The following HERC2 variants were observed in gnomAD, a reference collection of about 807,000 sequenced individuals.
HERC2 encodes the protein HECT and RLD domain containing E3 ubiquitin protein ligase 2.
In HERC2, 102 loss-of-function variants were observed where a neutral mutation model predicts 537.7. The observed-to-expected ratio is 0.19, with a 90% CI of 0.16 to 0.22. The LOEUF (loss-of-function observed/expected upper bound fraction) is 0.22, where lower values mean the gene tolerates loss of function less well. Ranked by LOEUF, HERC2 falls within the 10% of genes least tolerant of loss-of-function variation. The probability of loss-of-function intolerance (pLI) is 1.00; values close to 1 mark genes in which losing one functional copy is unlikely to be tolerated. For synonymous variants in HERC2, 2,224 were observed against 2,466.2 expected, an observed-to-expected ratio of 0.90 and a Z score of 2.91; for missense variants, 4,236 against 6,198.2, an observed-to-expected ratio of 0.68 and a Z score of 10.63.
At chr15:28,143,766 G>T in intron 74 of HERC2, 107 bp downstream of exon 74, 2 of 1,432,926 alleles carry the variant, frequency 1.4e-6, no homozygotes, top group Non-Finnish European at 9.6e-7. Context: ...TTATTCTTAT[G>T]TGAAACTCCC....
rs904139148 is a variant in HERC2, at chr15:28,268,779, A to G, written c.1447-163T>C. Among the ~76,000 whole-genome samples, 2 of 152,210 alleles carry G rather than the reference A, an allele frequency of 1.3e-5. No homozygotes were observed. Among genetic ancestry groups the G allele is most frequent in the African/African-American group, 4.8e-5 (2 of 41,446 alleles). On this transcript the variant is annotated intron_variant, in intron 11 of 92. Coordinates refer to ENST00000261609, the MANE Select transcript of HERC2 (RefSeq NM_004667.6). The surrounding 1 kb of genome is among the most constrained non-coding windows in gnomAD (Gnocchi z 4.7). ...GCCGGCTCTCCAGCCCTTCCCACCC[A>G]GCAGCAACAGAACAGCGGGCAGCCT...
intron 16 of HERC2, 133 bp from the exon 17 acceptor site, chr15:28,257,394 G>A (rs1173476554): frequency 1.5e-6 from 1 of 671,394 alleles, no homozygotes; most frequent in South Asian, 2.1e-5. Context: ...CCAGTCCAAA[G>A]GCATTCATGG....
At chr15:28,185,736 C>T (rs1896246326) in intron 56 of HERC2, among the ~76,000 whole-genome samples, 1 of 152,190 alleles carries the variant, frequency 6.6e-6, no homozygotes, top group Non-Finnish European at 1.5e-5. Context: ...GTACGTATGG[C>T]CTGGGGGGAA....
chr15:28,115,418 C>A lies in HERC2; in HGVS notation c.13722+11G>T. Reference sequence around the variant, plus strand: ...ACCCTAGAGGCCCCGCCTGCCGCCCCAGGGAGTTACCTCACTGAGGTCCGC... The same window carrying A: ...ACCCTAGAGGCCCCGCCTGCCGCCCAAGGGAGTTACCTCACTGAGGTCCGC... On this transcript the variant is annotated intron_variant, in intron 89 of 92. Coordinates refer to ENST00000261609, the MANE Select transcript of HERC2 (RefSeq NM_004667.6). 6.2e-7 allele frequency: 1 copy of A among 1,605,142 alleles called. No homozygotes were observed.
At chr15:28,310,848 C>G (rs1161118750) in intron 2 of HERC2, among the ~76,000 whole-genome samples, 1 of 151,870 alleles carries the variant, frequency 6.6e-6, no homozygotes, top group African/African-American at 2.4e-5. Context: ...GAGGCCGAAG[C>G]GGGTGGATCA....
In HERC2 at chr15:28,176,611, A is replaced by G; in HGVS notation, c.9515-12T>C. 1 of 1,614,144 alleles carries G rather than the reference A, an allele frequency of 6.2e-7. No individual in the cohort carries two copies. Among genetic ancestry groups the G allele is most frequent in the South Asian group, 1.1e-5 (1 of 91,082 alleles). On this transcript the variant is annotated splice_polypyrimidine_tract_variant and intron_variant, in intron 62 of 92. Transcript: ENST00000261609. This position sits in a 1 kb window ranked among gnomAD's most constrained non-coding sequence, Gnocchi z 5.0. ...GGAAAATACCAAACCTAGGTTTAAG[A>G]AACACATATACTTCAGGCCAGCGTT...
At chr15:28,120,829 A>C (rs1888800123) in intron 86 of HERC2, among the ~76,000 whole-genome samples, 2 of 152,346 alleles carry the variant, frequency 1.3e-5, no homozygotes, top group Admixed American at 1.3e-4. Context: ...TACCACAGAA[A>C]AGTGGGCACG....
chr15:28,260,651 G>T (rs1596340899), intron 16 of HERC2, 126 bp downstream of exon 16: 1 of 716,230 alleles, frequency 1.4e-6, no homozygotes, highest in Non-Finnish European at 2.3e-6. Context: ...CATAATAAAT[G>T]AGTTTAGCAC....
rs374245104 is a variant in HERC2 at position 28,141,485 on chromosome 15, C to T, written c.11962G>A (p.Val3988Met). ...GTCTGTTCCCCTCCGATTAACTGCA[C>T]GGGTCTGAGAGTTGCAAGGGCTTCA... ...PCEALATLRP[V>M]QLIGGEQTLF... The change falls in exon 78 of 93, where the codon GTG becomes ATG. Residue 3988 changes from valine (V) to methionine (M), a missense_variant. Physicochemically the swap from Val to Met is conservative, Grantham distance 21. Transcript: ENST00000261609. The T allele has an allele frequency of 9.3e-5, 150 of 1,614,004 alleles. No individual in the cohort carries two copies. The highest frequency in any genetic ancestry group is 1.2e-4 in the Non-Finnish European group (139 of 1,180,026).
intron 70 of HERC2, among the ~76,000 whole-genome samples, chr15:28,146,822 A>G (rs2142287686): frequency 7.1e-6 from 1 of 140,840 alleles, no homozygotes; most frequent in African/African-American, 2.8e-5. Flanking sequence ...GAGGTGTGCG[A>G]GCAGAGGCAC....
intron 2 of HERC2, among the ~76,000 whole-genome samples, chr15:28,304,659 C>T (rs1440065416): frequency 6.6e-6 from 1 of 151,650 alleles, no homozygotes; most frequent in Non-Finnish European, 1.5e-5. Context: ...CCACTGCACC[C>T]GGCCTTTCTC....
intron 83 of HERC2, among the ~76,000 whole-genome samples, chr15:28,127,881 T>C (rs1011338284): frequency 3.9e-5 from 6 of 152,066 alleles, no homozygotes; most frequent in Admixed American, 2.0e-4. Flanking sequence ...AATACATGAA[T>C]TGATTCAAAG....
chr15:28,302,853 A>T (rs2076672677), intron 2 of HERC2, among the ~76,000 whole-genome samples: 1 of 150,698 alleles, frequency 6.6e-6, no homozygotes, highest in African/African-American at 2.4e-5. Flanking sequence ...TTATTGGATT[A>T]TTAGATTTTT....
At position 28,229,554 on chromosome 15, in the gene HERC2, A is replaced by T. The variant is rs1289272158; in HGVS notation, c.5026T>A (p.Leu1676Ile). The T allele has an allele frequency of 1.2e-6, 2 of 1,613,456 alleles. No individual in the cohort carries two copies. Among genetic ancestry groups the T allele is most frequent in the Non-Finnish European group, 8.5e-7 (1 of 1,179,838 alleles). Residue 1676 changes from leucine (L) to isoleucine (I), a missense_variant, in exon 33 of 93, where the codon TTA (leucine) becomes ATA (isoleucine). Leu to Ile is a conservative substitution (Grantham distance 5). Transcript: ENST00000261609. ...EVRLEGIDTI[L>I]KLASKNFLLP... is the part of the protein sequence containing the mutation. ...AAGAAATTCTTGCTCGCCAGTTTTA[A>T]AATTGTATCTATCCCTTCCAGGCGA...
chr15:28,251,673 G>A (rs549104353), intron 20 of HERC2, among the ~76,000 whole-genome samples: 4 of 150,250 alleles, frequency 2.7e-5, no homozygotes, highest in Non-Finnish European at 4.4e-5. Context: ...GGTGGTGTAC[G>A]CCTGTGGTCC....
At position 28,175,650 on chromosome 15, in the gene HERC2, C is replaced by T; in HGVS notation, c.9693G>A (p.Lys3231=). 1.2e-6 allele frequency: 2 copies of T among 1,614,126 alleles called. No homozygotes were observed. Among genetic ancestry groups the T allele is most frequent in the Non-Finnish European group, 1.7e-6 (2 of 1,180,030 alleles). The change falls in exon 64 of 93, where the codon AAG becomes AAA. Residue 3231 remains lysine, a synonymous_variant. Transcript: ENST00000261609. ...TKSGVVWTWG[K]GDYFRLGHGS... is the part of the protein sequence containing the mutation. Reference sequence around the variant, plus strand: ...CGTGGCCCAATCTGAAGTAATCCCCCTTTCCCCTGAGAGAAGGCCCATGGT... The same window carrying T: ...CGTGGCCCAATCTGAAGTAATCCCCTTTTCCCCTGAGAGAAGGCCCATGGT...
chr15:28,171,885 T>A (rs1046225698), intron 65 of HERC2, among the ~76,000 whole-genome samples: 2 of 151,998 alleles, frequency 1.3e-5, no homozygotes, highest in African/African-American at 4.8e-5. Context: ...CTGTCCTGGC[T>A]AACACGGTGA....
chr15:28,149,105 C>A (rs73379661), intron 70 of HERC2, among the ~76,000 whole-genome samples: 2 of 151,296 alleles, frequency 1.3e-5, no homozygotes, highest in Non-Finnish European at 2.9e-5. Flanking sequence ...AACAGCCACA[C>A]GAACGTATAA....
At position 28,202,476 on chromosome 15, in the gene HERC2, G is replaced by A. The variant is rs747158925; in HGVS notation, c.7351C>T (p.Arg2451Cys). ...QHIRPARVKRRKQSPVPALPI... is the reference protein window; with the variant it reads ...QHIRPARVKRCKQSPVPALPI... ...AGAGCGGGAACGGGCGACTGCTTGC[G>A]CCTCTTCACTCTGGCAGGGCGGATG... Residue 2451 changes from arginine (R) to cysteine (C), a missense_variant, in exon 46 of 93, where the codon CGC becomes TGC. Physicochemically the swap from Arg to Cys is radical, Grantham distance 180 (BLOSUM62 -3). This residue lies in a region of HERC2 where 35 missense variants were observed against 68.7 expected (regional missense o/e 0.51). Transcript: ENST00000261609. 8.2e-6 allele frequency: 12 copies of A among 1,468,236 alleles called. No homozygotes were observed. Among genetic ancestry groups the A allele is most frequent in the East Asian group, 2.3e-5 (1 of 43,930 alleles). The allele number at this position is 1,468,236 out of a possible 1,614,324, so 91.0% of individuals were successfully genotyped here. A position where few individuals can be genotyped will look rare whatever the true frequency, so the allele number is the denominator to read the frequency against.
Sources: gnomAD v4.1 joint callset for allele counts (sites outside exome capture counted in the v4.1 genomes callset) on GRCh38, gnomAD v4.1.1 for gene constraint, gnomAD v4.1.1 regional missense constraint, Gnocchi (gnomAD v3.1) non-coding constraint, MANE v1.5 for transcripts, NCBI Gene and HGNC (gene_info 2026-07-23, HGNC 2026-07-21) for gene names.